Variants in KHDRBS2 observed in about 807,000 individuals in gnomAD.
The protein encoded by KHDRBS2 is KH RNA binding domain containing, signal transduction associated 2.
A neutral mutation model predicts 44.3 loss-of-function variants in KHDRBS2; 26 were observed. That is an observed-to-expected ratio of 0.59 (90% CI 0.43 to 0.81). The LOEUF is 0.81. Ranked by LOEUF, KHDRBS2 falls within the 40% of genes least tolerant of loss-of-function variation. The probability of loss-of-function intolerance (pLI) is 0.00; values close to 1 mark genes in which losing one functional copy is unlikely to be tolerated. For missense variants in KHDRBS2, 476 were observed against 433.1 expected, an observed-to-expected ratio of 1.10 and a Z score of -0.88; for synonymous variants, 194 against 151.1, an observed-to-expected ratio of 1.28 and a Z score of -2.08.
intron 2 of KHDRBS2, among the ~76,000 whole-genome samples, chr6:62,069,088 T>TG (rs1794409360): frequency 6.6e-6 from 1 of 151,618 alleles, no homozygotes; most frequent in Non-Finnish European, 1.5e-5. Context: ...AGTTGACCCT[T>TG]GAACAACATG....
chr6:62,220,843 T>C (rs544658217), intron 1 of KHDRBS2, among the ~76,000 whole-genome samples: 8 of 152,028 alleles, frequency 5.3e-5, no homozygotes, highest in East Asian at 1.9e-4. Context: ...ACTATTTCAA[T>C]GGAAATGAAA....
At chr6:61,678,231 C>T (rs564478134), downstream of KHDRBS2, among the ~76,000 whole-genome samples, 3 of 152,084 alleles carry the variant, frequency 2.0e-5, no homozygotes, top group African/African-American at 4.8e-5. Context: ...AGCATCAGCT[C>T]AGCCTGTGGA....
intron 4 of KHDRBS2, among the ~76,000 whole-genome samples, chr6:61,931,748 AT>A (rs57053173): frequency 7.3e-5 from 11 of 151,412 alleles, no homozygotes; most frequent in Non-Finnish European, 1.3e-4. Flanking sequence ...TTATATGCAG[AT>A]TTTTTTTTAA....
At chr6:61,592,138 G>A in the KHDRBS2 span, among the ~76,000 whole-genome samples, 2 of 144,170 alleles carry the variant, frequency 1.4e-5, no homozygotes, top group Non-Finnish European at 1.5e-5. Flanking sequence ...CTGCAGCGAG[G>A]CATGATTGTG....
At chr6:62,231,356 G>A (rs1398858119) in intron 1 of KHDRBS2, among the ~76,000 whole-genome samples, 1 of 152,164 alleles carries the variant, frequency 6.6e-6, no homozygotes, top group Non-Finnish European at 1.5e-5. Flanking sequence ...GGCAGCAGGA[G>A]AGAGAAGTTC....
chr6:61,715,431 T>A (rs1000426101), intron 7 of KHDRBS2, among the ~76,000 whole-genome samples: 2 of 151,982 alleles, frequency 1.3e-5, no homozygotes, highest in Admixed American at 1.3e-4. Context: ...CTCAGCTATA[T>A]GCCCCAACAC....
Position 62,013,559 on chromosome 6 carries a change from T to G in KHDRBS2, c.336+34319A>C, listed in dbSNP as rs191001601. Among the ~76,000 whole-genome samples, 119 of 152,220 alleles carry G rather than the reference T, an allele frequency of 7.8e-4. 1 individual carries two copies. In the Middle Eastern group the frequency reaches 0.02, roughly 26 times the overall value. On this transcript the variant is annotated intron_variant, in intron 3 of 8. Transcript: ENST00000281156. ...ATGTGTTTAGTACAATGTAAAATCA[T>G]AGCAAAATCAATTTTATTTAAATTA...
chr6:62,073,429 T>C (rs1286483815), intron 2 of KHDRBS2, among the ~76,000 whole-genome samples: 1 of 151,572 alleles, frequency 6.6e-6, no homozygotes, highest in Non-Finnish European at 1.5e-5. Flanking sequence ...TTTATTTTAG[T>C]AGTTTTGTTT....
chr6:61,631,855 A>T, the KHDRBS2 span, among the ~76,000 whole-genome samples: 1 of 152,148 alleles, frequency 6.6e-6, no homozygotes, highest in Non-Finnish European at 1.5e-5. Flanking sequence ...GCTTTTCCTT[A>T]GGAATGGTCA....
At position 61,979,879 on chromosome 6, in the gene KHDRBS2, C is replaced by A. The variant is rs556914224; in HGVS notation, c.337-1667G>T. The stretch of plus-strand genomic sequence containing the variant: ...GCTGAAATAATTAAATCAGAGATTT[C>A]TTGACACTGTCCCTTTCTATTACTT... On this transcript the variant is annotated intron_variant, in intron 3 of 8. Coordinates refer to ENST00000281156, the MANE Select transcript of KHDRBS2 (RefSeq NM_152688.4). Among the ~76,000 whole-genome samples the A allele has an allele frequency of 3.3e-5, 5 of 152,236 alleles. No individual in the cohort carries two copies. In the East Asian group the frequency reaches 5.8e-4, roughly 18 times the overall value.
At chr6:61,560,414 C>A in the KHDRBS2 span, among the ~76,000 whole-genome samples, 4 of 152,094 alleles carry the variant, frequency 2.6e-5, no homozygotes, top group African/African-American at 9.7e-5. Context: ...ATCTCCCTAC[C>A]TTCTCCTTAA....
At chr6:61,746,673 C>T (rs1470915857) in intron 6 of KHDRBS2, among the ~76,000 whole-genome samples, 7 of 151,958 alleles carry the variant, frequency 4.6e-5, no homozygotes, top group South Asian at 2.1e-4. Context: ...TACCCAGTAA[C>T]GGGATTGCTG....
At chr6:61,955,891 C>T (rs942065054) in intron 4 of KHDRBS2, among the ~76,000 whole-genome samples, 1 of 152,012 alleles carries the variant, frequency 6.6e-6, no homozygotes, top group Admixed American at 6.6e-5. Flanking sequence ...GATTATGAAG[C>T]TGAGACACAA....
At chr6:61,688,346 A>G (rs1172163546) in intron 8 of KHDRBS2, among the ~76,000 whole-genome samples, 1 of 151,974 alleles carries the variant, frequency 6.6e-6, no homozygotes, top group East Asian at 1.9e-4. Context: ...TCTAAAACGT[A>G]CTTTCATTAT....
intron 2 of KHDRBS2, among the ~76,000 whole-genome samples, chr6:62,138,110 A>G (rs554871849): frequency 6.6e-6 from 1 of 152,184 alleles, no homozygotes; most frequent in Non-Finnish European, 1.5e-5. Context: ...ATTGATCACT[A>G]TATTCTGAAT....
At chr6:61,550,315 G>T in the KHDRBS2 span, among the ~76,000 whole-genome samples, 1 of 152,092 alleles carries the variant, frequency 6.6e-6, no homozygotes, top group Non-Finnish European at 1.5e-5. Context: ...TTCTGTTCCT[G>T]TGTTCACTTA....
At chr6:61,900,714 T>G (rs1200889603) in intron 5 of KHDRBS2, among the ~76,000 whole-genome samples, 1 of 152,208 alleles carries the variant, frequency 6.6e-6, no homozygotes, top group Non-Finnish European at 1.5e-5. Context: ...ATATGTTATC[T>G]GTATCTATCT....
At chr6:61,577,598 C>T in the KHDRBS2 span, among the ~76,000 whole-genome samples, 1 of 152,008 alleles carries the variant, frequency 6.6e-6, no homozygotes. Flanking sequence ...TATTTTAAGG[C>T]TTCTTTTCCA....
At chr6:61,665,591 A>T in the KHDRBS2 span, among the ~76,000 whole-genome samples, 1 of 151,396 alleles carries the variant, frequency 6.6e-6, no homozygotes, top group Non-Finnish European at 1.5e-5. Flanking sequence ...TATGATATAG[A>T]AAATAGAAAA....
Sources: gnomAD v4.1 joint callset for allele counts (sites outside exome capture counted in the v4.1 genomes callset) on GRCh38, gnomAD v4.1.1 for gene constraint, MANE v1.5 for transcripts, NCBI Gene and HGNC (gene_info 2026-07-23, HGNC 2026-07-21) for gene names.